The following ANKFN1 variants were observed in gnomAD, a reference collection of about 807,000 sequenced individuals.
The protein encoded by ANKFN1 is ankyrin repeat and fibronectin type III domain containing 1.
ANKFN1 carries 74 observed loss-of-function variants against 108.7 expected under a neutral mutation model. That is an observed-to-expected ratio of 0.68 (90% CI 0.56 to 0.83). The LOEUF is 0.83. ANKFN1 is among the 40% of genes least tolerant of loss of function. ANKFN1 has a pLI of 0.00. For missense variants in ANKFN1, 1,505 were observed against 1,382.3 expected, an observed-to-expected ratio of 1.09 and a Z score of -1.41; for synonymous variants, 547 against 516.2, an observed-to-expected ratio of 1.06 and a Z score of -0.81.
chr17:56,295,857 C>A lies in ANKFN1; in HGVS notation c.54-30364C>A, dbSNP rs1005551169. 5.9e-5 allele frequency among the ~76,000 whole-genome samples: 9 copies of A among 152,264 alleles called. No individual in the cohort carries two copies. The South Asian group carries it at 1.2e-3, about 21-fold the overall frequency. Reference sequence around the variant, plus strand: ...GCCAAACTCATCCTTTATAATGAACCTACTCCTGAGATAATAGCATTAAGC... The same window carrying A: ...GCCAAACTCATCCTTTATAATGAACATACTCCTGAGATAATAGCATTAAGC... On this transcript the variant is annotated intron_variant, in intron 3 of 20. Coordinates refer to ENST00000682825, the MANE Select transcript of ANKFN1 (RefSeq NM_001370326.1).
intron 13 of ANKFN1, among the ~76,000 whole-genome samples, chr17:56,457,624 A>G (rs945201315): frequency 2.6e-5 from 4 of 152,180 alleles, no homozygotes; most frequent in African/African-American, 9.7e-5. Context: ...ATGTGTCTCC[A>G]CTGTTCTGAG....
intron 18 of ANKFN1, among the ~76,000 whole-genome samples, chr17:56,483,623 C>T (rs1009754924): frequency 3.9e-5 from 6 of 152,164 alleles, no homozygotes; most frequent in Non-Finnish European, 5.9e-5. Context: ...ACTTGAGAGT[C>T]CTGGATTCCC....
intron 20 of ANKFN1, among the ~76,000 whole-genome samples, chr17:56,505,158 CA>C (rs1394885470): frequency 6.6e-6 from 1 of 152,080 alleles, no homozygotes; most frequent in East Asian, 1.9e-4. Context: ...GCTCTTCAGT[CA>C]AATATCAGCA....
At chr17:56,344,955 C>A (rs1175359320) in intron 4 of ANKFN1, among the ~76,000 whole-genome samples, 1 of 151,922 alleles carries the variant, frequency 6.6e-6, no homozygotes, top group Non-Finnish European at 1.5e-5. Context: ...TATACATGTG[C>A]CCTGGTGGTT....
At chr17:56,402,362 G>A (rs1255134316) in intron 8 of ANKFN1, among the ~76,000 whole-genome samples, 6 of 151,978 alleles carry the variant, frequency 3.9e-5, no homozygotes, top group East Asian at 1.9e-4. Flanking sequence ...TTTCAATCTC[G>A]CTGCTTGCTA....
intron 8 of ANKFN1, among the ~76,000 whole-genome samples, chr17:56,393,989 T>A (rs1449756656): frequency 6.6e-6 from 1 of 152,236 alleles, no homozygotes; most frequent in Non-Finnish European, 1.5e-5. Context: ...CCTCTGAGTA[T>A]GCAGCAATGA....
chr17:56,345,874 C>T (rs963330020), intron 4 of ANKFN1, among the ~76,000 whole-genome samples: 8 of 151,864 alleles, frequency 5.3e-5, no homozygotes, highest in South Asian at 2.1e-4. Flanking sequence ...TTTTGCTGTG[C>T]GGAAGCTCTT....
At chr17:56,375,981 A>T (rs961522843) in intron 8 of ANKFN1, among the ~76,000 whole-genome samples, 1 of 152,222 alleles carries the variant, frequency 6.6e-6, no homozygotes. Flanking sequence ...GAATACGAGG[A>T]ACAAAAAAGG....
At position 56,234,245 on chromosome 17, in the gene ANKFN1, G is replaced by A. The variant is rs566097352; in HGVS notation, c.53+6288G>A. On this transcript the variant is annotated intron_variant, in intron 3 of 20. Coordinates refer to ENST00000682825, the MANE Select transcript of ANKFN1 (RefSeq NM_001370326.1). ...CCTTTATATGGTATTCACACCATAC[G>A]GATACAAAGCATTCAAATAAACTAA... Among the ~76,000 whole-genome samples the A allele has an allele frequency of 6.6e-5, 10 of 152,046 alleles. No individual in the cohort carries two copies. In the East Asian group the frequency reaches 1.7e-3, roughly 26 times the overall value.
At chr17:56,290,064 C>T (rs2044318829) in intron 3 of ANKFN1, among the ~76,000 whole-genome samples, 1 of 152,160 alleles carries the variant, frequency 6.6e-6, no homozygotes, top group Non-Finnish European at 1.5e-5. Context: ...TCTTTCACTG[C>T]CATGGCTGAG....
At chr17:56,205,497 C>T (rs1598235002) in intron 1 of ANKFN1, among the ~76,000 whole-genome samples, 1 of 152,188 alleles carries the variant, frequency 6.6e-6, no homozygotes, top group Non-Finnish European at 1.5e-5. Context: ...TCTCTTGATA[C>T]TTAAATTAAA....
At chr17:56,477,460 C>CTT (rs373804237) in intron 15 of ANKFN1, 28 bp from the exon 16 acceptor site, 341 of 1,347,472 alleles carry the variant, frequency 2.5e-4, no homozygotes, top group South Asian at 9.4e-4. Flanking sequence ...TTCTTGTTTT[C>CTT]TTTTTTTTTT....
intron 8 of ANKFN1, among the ~76,000 whole-genome samples, chr17:56,397,186 C>G (rs887779190): frequency 6.6e-6 from 1 of 151,916 alleles, no homozygotes; most frequent in African/African-American, 2.4e-5. Context: ...ATCCATCACC[C>G]CCAACTAATC....
rs1268547441 is a variant in ANKFN1 at position 56,512,724 on chromosome 17, T to G, written c.*1455T>G. 2.0e-5 allele frequency among the ~76,000 whole-genome samples: 3 copies of G among 152,144 alleles called. No homozygotes were observed. The highest frequency in any genetic ancestry group is 4.4e-5 in the Non-Finnish European group (3 of 68,030). ...GTTCTACCATTCCTCCTCATGGGAG[T>G]TCATACAAAGTCCCCTGTTCACAAT... On this transcript the variant is annotated 3_prime_UTR_variant, in exon 21 of 21. Coordinates refer to ENST00000682825, the MANE Select transcript of ANKFN1 (RefSeq NM_001370326.1).
At chr17:56,105,311 G>A (rs1303211158) in intron 4 of ANKFN1, among the ~76,000 whole-genome samples, 1 of 152,118 alleles carries the variant, frequency 6.6e-6, no homozygotes, top group Non-Finnish European at 1.5e-5. Flanking sequence ...GGCAGAGGAC[G>A]AGGTGGAATG....
intron 6 of ANKFN1, among the ~76,000 whole-genome samples, chr17:56,360,957 G>A (rs1300813309): frequency 6.6e-6 from 1 of 151,986 alleles, no homozygotes; most frequent in Non-Finnish European, 1.5e-5. Context: ...TCTTCTAGTT[G>A]AAAATTTGTA....
chr17:56,238,172 T>C (rs1917296014), intron 3 of ANKFN1, among the ~76,000 whole-genome samples: 1 of 152,182 alleles, frequency 6.6e-6, no homozygotes, highest in Non-Finnish European at 1.5e-5. Flanking sequence ...CTTTTGCATA[T>C]GCTCATTGTT....
intron 1 of ANKFN1, among the ~76,000 whole-genome samples, chr17:56,201,240 C>T (rs77458936): frequency 0.024 from 3,597 of 152,272 alleles, 136 homozygotes; most frequent in African/African-American, 0.082. Context: ...CTCAAACCCA[C>T]CATAGTTCCT....
intron 3 of ANKFN1, among the ~76,000 whole-genome samples, chr17:56,292,740 C>T (rs1362279842): frequency 2.0e-5 from 3 of 152,080 alleles, no homozygotes; most frequent in Non-Finnish European, 4.4e-5. Context: ...AAAAAAAAAC[C>T]ACTGCCATCT....
Sources: gnomAD v4.1 joint callset for allele counts (sites outside exome capture counted in the v4.1 genomes callset) on GRCh38, gnomAD v4.1.1 for gene constraint, MANE v1.5 for transcripts, NCBI Gene and HGNC (gene_info 2026-07-23, HGNC 2026-07-21) for gene names.